Variants in GPR39 observed in about 807,000 individuals in gnomAD.
GPR39 encodes the protein zinc sensing receptor.
GPR39 carries 23 observed loss-of-function variants against 18.4 expected under a neutral mutation model. That is an observed-to-expected ratio of 1.25 (90% confidence interval 0.90 to 1.77). The LOEUF (loss-of-function observed/expected upper bound fraction) is 1.77, where lower values mean the gene tolerates loss of function less well. Ranked by LOEUF, GPR39 falls within the 40% of genes most tolerant of loss-of-function variation. The pLI is 0.00. For missense variants in GPR39, 647 were observed against 602.4 expected (o/e 1.07, Z -0.78); for synonymous variants, 280 against 257.9 (o/e 1.09, Z -0.82).
At chr2:132,603,403 C>A (rs1681079363) in intron 1 of GPR39, among the ~76,000 whole-genome samples, 1 of 151,998 alleles carries the variant, frequency 6.6e-6, no homozygotes, top group South Asian at 2.1e-4. Flanking sequence ...GAGAAGTTGG[C>A]TAATGGATAC....
At chr2:132,625,992 C>T (rs763476443) in intron 1 of GPR39, among the ~76,000 whole-genome samples, 20 of 151,538 alleles carry the variant, frequency 1.3e-4, no homozygotes, top group African/African-American at 2.9e-4. Flanking sequence ...CCCAGCTACT[C>T]GGGAGGCTGA....
intron 1 of GPR39, among the ~76,000 whole-genome samples, chr2:132,644,465 G>A (rs1301781172): frequency 1.3e-5 from 2 of 152,202 alleles, no homozygotes; most frequent in Non-Finnish European, 2.9e-5. Flanking sequence ...AAACACATAT[G>A]CTGTTGCAGA....
intron 1 of GPR39, among the ~76,000 whole-genome samples, chr2:132,429,500 C>T (rs1680186810): frequency 6.6e-6 from 1 of 152,256 alleles, no homozygotes; most frequent in Admixed American, 6.5e-5. Context: ...GCATCCCTCA[C>T]AGCCAGAGTG....
chr2:132,525,455 G>A (rs181546173), intron 1 of GPR39, among the ~76,000 whole-genome samples: 17 of 152,314 alleles, frequency 1.1e-4, no homozygotes, highest in African/African-American at 3.4e-4. Context: ...CCTGACTTTC[G>A]TCATCATTTG....
At chr2:132,639,479 A>G (rs1198486272) in intron 1 of GPR39, among the ~76,000 whole-genome samples, 2 of 152,236 alleles carry the variant, frequency 1.3e-5, no homozygotes, top group Non-Finnish European at 2.9e-5. Flanking sequence ...CAGTAAGTAG[A>G]AAAGCTAATA....
chr2:132,620,943 G>A lies in GPR39; in HGVS notation c.857-24158G>A, dbSNP rs1312601828. Among the ~76,000 whole-genome samples the A allele has an allele frequency of 5.3e-5, 8 of 152,040 alleles. No homozygotes were observed. In the East Asian group the frequency reaches 5.8e-4, roughly 11 times the overall value. Reference sequence around the variant, plus strand: ...AATTTTTTGTATTTTTAGTAAAGACGGGGTTTCATTGTGTTAGCCAGGATG... The same window carrying A: ...AATTTTTTGTATTTTTAGTAAAGACAGGGTTTCATTGTGTTAGCCAGGATG... On this transcript the variant is annotated intron_variant, in intron 1 of 1. Transcript: ENST00000329321.
At chr2:132,630,655 C>T (rs1055704734) in intron 1 of GPR39, among the ~76,000 whole-genome samples, 15 of 152,184 alleles carry the variant, frequency 9.9e-5, no homozygotes, top group African/African-American at 3.6e-4. Flanking sequence ...AGGGAGACTT[C>T]TGCCTGGTGT....
At chr2:132,563,144 A>G (rs1210243202) in intron 1 of GPR39, among the ~76,000 whole-genome samples, 1 of 152,202 alleles carries the variant, frequency 6.6e-6, no homozygotes, top group Middle Eastern at 3.2e-3. Context: ...AGGGGAGTGT[A>G]GTTCATAGGA....
intron 1 of GPR39, among the ~76,000 whole-genome samples, chr2:132,623,255 A>T (rs960086851): frequency 1.3e-5 from 2 of 152,190 alleles, no homozygotes; most frequent in African/African-American, 4.8e-5. Flanking sequence ...AGCCCCTGGG[A>T]TGGACGAGGG....
At chr2:132,493,814 C>T (rs1266829243) in intron 1 of GPR39, among the ~76,000 whole-genome samples, 1 of 151,958 alleles carries the variant, frequency 6.6e-6, no homozygotes, top group Non-Finnish European at 1.5e-5. Context: ...TAGATACAGA[C>T]ATGAGAGTCA....
At chr2:132,531,054 C>T (rs1432239923) in intron 1 of GPR39, among the ~76,000 whole-genome samples, 3 of 152,292 alleles carry the variant, frequency 2.0e-5, no homozygotes, top group Middle Eastern at 3.4e-3. Flanking sequence ...AAGACACAGA[C>T]TGGCAAATTG....
At chr2:132,576,709 A>T (rs1573677114) in intron 1 of GPR39, among the ~76,000 whole-genome samples, 1 of 152,120 alleles carries the variant, frequency 6.6e-6, no homozygotes, top group East Asian at 1.9e-4. Context: ...AACATTTTTT[A>T]AATTTTTTTT....
At chr2:132,636,162 G>A (rs1022287844) in intron 1 of GPR39, among the ~76,000 whole-genome samples, 2 of 152,190 alleles carry the variant, frequency 1.3e-5, no homozygotes, top group Non-Finnish European at 2.9e-5. Flanking sequence ...AGTGGTAGCT[G>A]GTGTCTGGTT....
chr2:132,639,384 CATA>C (rs973631027), intron 1 of GPR39, among the ~76,000 whole-genome samples: 3 of 152,078 alleles, frequency 2.0e-5, no homozygotes, highest in African/African-American at 7.2e-5. Context: ...ACAGAGCAGA[CATA>C]ATAATCACAG....
intron 1 of GPR39, among the ~76,000 whole-genome samples, chr2:132,427,831 G>A (rs1680154113): frequency 6.8e-6 from 1 of 147,598 alleles, no homozygotes; most frequent in Non-Finnish European, 1.5e-5. Flanking sequence ...TTGGTAGCTA[G>A]GACTACAGGT....
intron 1 of GPR39, among the ~76,000 whole-genome samples, chr2:132,544,986 C>T (rs1573658096): frequency 6.6e-6 from 1 of 152,274 alleles, no homozygotes; most frequent in East Asian, 1.9e-4. Context: ...ATAGGTGAAG[C>T]GTGGGGAACA....
intron 1 of GPR39, among the ~76,000 whole-genome samples, chr2:132,570,355 C>T (rs561106160): frequency 6.6e-6 from 1 of 152,236 alleles, no homozygotes; most frequent in South Asian, 2.1e-4. Context: ...ACGTTCACAT[C>T]CCCCTCCAGC....
chr2:132,420,727 C>A (rs1280085287), intron 1 of GPR39, among the ~76,000 whole-genome samples: 1 of 152,178 alleles, frequency 6.6e-6, no homozygotes, highest in East Asian at 1.9e-4. Context: ...AAACAAAATT[C>A]ATAAATCTAC....
At chr2:132,546,990 A>AG (rs1274194399) in intron 1 of GPR39, among the ~76,000 whole-genome samples, 1 of 152,066 alleles carries the variant, frequency 6.6e-6, no homozygotes, top group African/African-American at 2.4e-5. Flanking sequence ...TGTTAATTCA[A>AG]GGGGGTATTT....
Sources: allele counts gnomAD v4.1 joint callset (sites outside exome capture counted in the v4.1 genomes callset), GRCh38; gene constraint gnomAD v4.1.1; transcripts MANE v1.5; gene names NCBI Gene and HGNC (gene_info 2026-07-23, HGNC 2026-07-21).